Variants in UTS2B observed in about 807,000 individuals in gnomAD.
The protein encoded by UTS2B is urotensin-2B.
A neutral mutation model predicts 19.2 loss-of-function variants in UTS2B; 21 were observed. The observed-to-expected ratio is 1.09, with a 90% CI of 0.78 to 1.58. The LOEUF is 1.58. Among genes scored for constraint, UTS2B ranks in the 40% most tolerant of loss-of-function variants. The probability of loss-of-function intolerance (pLI) is 0.00; values close to 1 mark genes in which losing one functional copy is unlikely to be tolerated. For synonymous variants in UTS2B, 57 were observed against 50.2 expected (o/e 1.14, Z -0.58); for missense variants, 138 against 130.3 (o/e 1.06, Z -0.29).
intron 3 of UTS2B, among the ~76,000 whole-genome samples, chr3:191,312,288 CA>C (rs1717323303): frequency 7.0e-6 from 1 of 142,176 alleles, no homozygotes; most frequent in Non-Finnish European, 1.6e-5. Context: ...TTCAGAGTAT[CA>C]GCCCTGGAGG....
intron 4 of UTS2B, among the ~76,000 whole-genome samples, chr3:191,296,665 C>T (rs1716865756): frequency 6.6e-6 from 1 of 152,162 alleles, no homozygotes; most frequent in African/African-American, 2.4e-5. Flanking sequence ...CATGTCTCTC[C>T]TTATAAAATT....
chr3:191,278,495 A>G (rs1305120092), intron 5 of UTS2B, among the ~76,000 whole-genome samples: 2 of 151,998 alleles, frequency 1.3e-5, no homozygotes, highest in Non-Finnish European at 2.9e-5. Context: ...ATTTTCTACT[A>G]TTTTATTTAA....
chr3:191,270,540 A>G (rs955329143), intron 8 of UTS2B, among the ~76,000 whole-genome samples: 4 of 152,182 alleles, frequency 2.6e-5, no homozygotes, highest in Non-Finnish European at 4.4e-5. Context: ...AAATAAACAA[A>G]AAAGGTTTTT....
At chr3:191,301,276 G>C (rs982314009) in intron 4 of UTS2B, among the ~76,000 whole-genome samples, 2 of 152,078 alleles carry the variant, frequency 1.3e-5, no homozygotes, top group African/African-American at 4.8e-5. Flanking sequence ...CAGTAGTTCA[G>C]ACATCCCTGG....
chr3:191,339,755 G>T, the UTS2B span, among the ~76,000 whole-genome samples: 1 of 152,196 alleles, frequency 6.6e-6, no homozygotes, highest in African/African-American at 2.4e-5. Flanking sequence ...GTTAGTGACT[G>T]ATAACATGGT....
chr3:191,276,920 G>T (rs1007283524), intron 6 of UTS2B, 76 bp from the exon 7 acceptor site: 2 of 1,328,568 alleles, frequency 1.5e-6, no homozygotes, highest in African/African-American at 1.5e-5. Context: ...ACACATTTAA[G>T]ATCTTACGTA....
intron 4 of UTS2B, 99 bp from the exon 5 acceptor site, chr3:191,282,412 T>C (rs1716417105): frequency 2.2e-6 from 1 of 449,624 alleles, no homozygotes; most frequent in Non-Finnish European, 4.0e-6. Flanking sequence ...ACAGATTTGT[T>C]ATGGAGTCAA....
chr3:191,273,889 T>C (rs1351865510), intron 8 of UTS2B, among the ~76,000 whole-genome samples: 3 of 152,146 alleles, frequency 2.0e-5, no homozygotes, highest in African/African-American at 7.2e-5. Flanking sequence ...TTATTTGAAA[T>C]ATATCCAGAA....
Position 191,310,815 on chromosome 3 carries a change from A to C in UTS2B, c.-182+5221T>G, listed in dbSNP as rs140890985. The stretch of plus-strand genomic sequence containing the variant: ...CTTTTTTACAGAGATTGAACAGATG[A>C]ATTGATCAAAAAAGTGCTGCTAACT... On this transcript the variant is annotated intron_variant, in intron 3 of 8. Transcript: ENST00000340524. Among the ~76,000 whole-genome samples the C allele has an allele frequency of 2.8e-4, 43 of 152,320 alleles. 1 individual carries two copies. The South Asian group carries it at 5.2e-3, about 18-fold the overall frequency.
chr3:191,271,962 G>GA lies in UTS2B; in HGVS notation c.334+3289dup, dbSNP rs143621305. On this transcript the variant is annotated intron_variant, in intron 8 of 8. Transcript: ENST00000340524. ...CTAAGACTTCTCTGTATTTCCTAGG[G>GA]ATCCCACATCCCCATTAAGTTAAAT... Among the ~76,000 whole-genome samples the GA allele has an allele frequency of 5.0e-3, 756 of 152,196 alleles. 8 individuals are homozygous for GA. Among genetic ancestry groups the GA allele is most frequent in the African/African-American group, 0.017 (688 of 41,526 alleles).
chr3:191,282,815 G>A (rs2108576160), intron 4 of UTS2B, among the ~76,000 whole-genome samples: 1 of 152,276 alleles, frequency 6.6e-6, no homozygotes, highest in South Asian at 2.1e-4. Flanking sequence ...CACTATATTA[G>A]AAAAGGATGG....
chr3:191,281,108 GA>G (rs1486217006), intron 5 of UTS2B, among the ~76,000 whole-genome samples: 5 of 152,134 alleles, frequency 3.3e-5, no homozygotes, highest in Non-Finnish European at 7.4e-5. Flanking sequence ...AATGGAATTA[GA>G]ATCAGAAATT....
chr3:191,330,165 C>T (rs1444341737), intron 1 of UTS2B, among the ~76,000 whole-genome samples: 2 of 152,160 alleles, frequency 1.3e-5, no homozygotes, highest in Non-Finnish European at 2.9e-5. Context: ...TCTTTCCCTC[C>T]TTCTCTCCCT....
At chr3:191,301,217 A>T (rs1267832911) in intron 4 of UTS2B, among the ~76,000 whole-genome samples, 1 of 152,124 alleles carries the variant, frequency 6.6e-6, no homozygotes, top group African/African-American at 2.4e-5. Context: ...AGAAAAGAAA[A>T]TTTGTCTCAT....
chr3:191,280,093 G>A (rs1576915673), intron 5 of UTS2B, among the ~76,000 whole-genome samples: 2 of 152,072 alleles, frequency 1.3e-5, no homozygotes, highest in East Asian at 1.9e-4. Flanking sequence ...ATTGCTACTC[G>A]AGATACTGAA....
intron 3 of UTS2B, among the ~76,000 whole-genome samples, chr3:191,315,254 C>T (rs1201171691): frequency 6.6e-6 from 1 of 152,196 alleles, no homozygotes; most frequent in Non-Finnish European, 1.5e-5. Flanking sequence ...CTCAGGTGAT[C>T]TGCTCGCCTC....
chr3:191,341,188 A>T, the UTS2B span, among the ~76,000 whole-genome samples: 2 of 152,212 alleles, frequency 1.3e-5, no homozygotes, highest in East Asian at 3.8e-4. Context: ...TCAGTGACTT[A>T]GTGGGACCTC....
At chr3:191,294,842 A>C (rs1458179073) in intron 4 of UTS2B, 1 of 151,842 alleles carries the variant, frequency 6.6e-6, no homozygotes, top group Non-Finnish European at 1.5e-5. Context: ...CAGCCTGAAC[A>C]ACATGGTAAA....
At chr3:191,329,748 G>T in intron 1 of UTS2B, 1 of 1,601,290 alleles carries the variant, frequency 6.2e-7, no homozygotes. Context: ...GGGAGAGCGC[G>T]CGGGACCCTC....
Sources: allele counts gnomAD v4.1 joint callset (sites outside exome capture counted in the v4.1 genomes callset), GRCh38; gene constraint gnomAD v4.1.1; transcripts MANE v1.5; gene names NCBI Gene and HGNC (gene_info 2026-07-23, HGNC 2026-07-21).